The following DLGAP2 variants were observed in gnomAD, a reference collection of about 807,000 sequenced individuals.
DLGAP2 encodes DLG associated protein 2, also known as disks large-associated protein 2.
In DLGAP2, 26 loss-of-function variants were observed where a neutral mutation model predicts 100.3. That is an observed-to-expected ratio of 0.26 (90% confidence interval 0.19 to 0.36). The LOEUF is 0.36. DLGAP2 is among the 10% of genes least tolerant of loss of function. DLGAP2 has a pLI of 1.00. For synonymous variants in DLGAP2, 886 were observed against 630.1 expected (o/e 1.41, Z -6.08); for missense variants, 1,858 against 1,453.2 (o/e 1.28, Z -4.53).
intron 6 of DLGAP2, among the ~76,000 whole-genome samples, chr8:1,592,581 G>A (rs138462247): frequency 2.0e-5 from 3 of 152,114 alleles, no homozygotes; most frequent in Non-Finnish European, 2.9e-5. Flanking sequence ...TTCCCACCAC[G>A]GATTTCCTTT....
chr8:1,190,256 C>G (rs142556075), intron 2 of DLGAP2, among the ~76,000 whole-genome samples: 85 of 152,320 alleles, frequency 5.6e-4, no homozygotes, highest in African/African-American at 2.0e-3. Flanking sequence ...GTCCACGGCA[C>G]TCCCCACTTG....
intron 2 of DLGAP2, among the ~76,000 whole-genome samples, chr8:1,200,625 C>T (rs138450080): frequency 6.6e-6 from 1 of 152,166 alleles, no homozygotes; most frequent in Non-Finnish European, 1.5e-5. Context: ...GCGTCACTTG[C>T]GCTGGACGGC....
intron 3 of DLGAP2, among the ~76,000 whole-genome samples, chr8:1,468,252 C>T (rs948372898): frequency 6.6e-6 from 1 of 151,922 alleles, no homozygotes; most frequent in Non-Finnish European, 1.5e-5. Context: ...AGAATTGTGC[C>T]CTGTTCACAC....
At chr8:1,221,325 G>A (rs371532287) in intron 2 of DLGAP2, among the ~76,000 whole-genome samples, 3 of 152,170 alleles carry the variant, frequency 2.0e-5, no homozygotes, top group Admixed American at 6.6e-5. Flanking sequence ...TTGTTTGTCT[G>A]AAAAGGATTT....
At chr8:1,110,396 C>G (rs144486731) in intron 2 of DLGAP2, among the ~76,000 whole-genome samples, 3 of 145,384 alleles carry the variant, frequency 2.1e-5, no homozygotes, top group African/African-American at 7.7e-5. Flanking sequence ...TATGCTGGAT[C>G]TGTGAGGTGT....
chr8:1,204,206 G>A (rs1462898371), intron 2 of DLGAP2, among the ~76,000 whole-genome samples: 1 of 152,224 alleles, frequency 6.6e-6, no homozygotes, highest in East Asian at 1.9e-4. Context: ...ATATCAGCGG[G>A]TTTTTATCTG....
At chr8:1,311,374 C>T (rs1475790885) in intron 3 of DLGAP2, among the ~76,000 whole-genome samples, 1 of 152,148 alleles carries the variant, frequency 6.6e-6, no homozygotes, top group African/African-American at 2.4e-5. Flanking sequence ...AACACAAATC[C>T]ACAGACCCTT....
chr8:1,251,331 A>G (rs1799035795), intron 2 of DLGAP2, among the ~76,000 whole-genome samples: 1 of 152,246 alleles, frequency 6.6e-6, no homozygotes. Context: ...TAAAGAGTAC[A>G]CATCCAAAAA....
At position 1,626,730 on chromosome 8, in the gene DLGAP2, T is replaced by C; in HGVS notation, c.1443-10T>C. 1 of 1,591,740 alleles carries C rather than the reference T, an allele frequency of 6.3e-7. No homozygotes were observed. The highest frequency in any genetic ancestry group is 8.6e-7 in the Non-Finnish European group (1 of 1,169,356). On this transcript the variant is annotated splice_polypyrimidine_tract_variant and intron_variant, in intron 6 of 14. Coordinates refer to ENST00000637795, the MANE Select transcript of DLGAP2 (RefSeq NM_001346810.2). ...ACAGAATGCCTTTTCTCCTTTCTTC[T>C]TTCCTGTAGCCAGACCTACCTGCAA... is the stretch of plus-strand genomic sequence containing the variant.
intron 1 of DLGAP2, among the ~76,000 whole-genome samples, chr8:765,804 C>T (rs997431491): frequency 3.3e-5 from 5 of 152,106 alleles, no homozygotes; most frequent in Non-Finnish European, 5.9e-5. Flanking sequence ...CACACACACA[C>T]GCGATGATGC....
intron 1 of DLGAP2, among the ~76,000 whole-genome samples, chr8:868,889 T>C (rs909711170): frequency 6.6e-6 from 1 of 152,218 alleles, no homozygotes; most frequent in Admixed American, 6.5e-5. Flanking sequence ...CAGGTTCCAG[T>C]CATTGTGTCT....
chr8:1,034,033 G>A (rs111236190), intron 2 of DLGAP2, among the ~76,000 whole-genome samples: 7,594 of 30,318 alleles, frequency 0.25, 437 homozygotes, highest in African/African-American at 0.27. Context: ...GGATTCACAC[G>A]CTCATCCCGA....
At chr8:1,205,413 T>C (rs7461084) in intron 2 of DLGAP2, among the ~76,000 whole-genome samples, 29 of 151,766 alleles carry the variant, frequency 1.9e-4, no homozygotes, top group African/African-American at 6.5e-4. Flanking sequence ...ACATGACGTC[T>C]CAGCCGGCTC....
chr8:1,174,286 C>G (rs996238681), intron 2 of DLGAP2, among the ~76,000 whole-genome samples: 1 of 151,868 alleles, frequency 6.6e-6, no homozygotes, highest in African/African-American at 2.4e-5. Context: ...CCATCATCAC[C>G]ACCATCATCA....
At chr8:1,662,714 G>C (rs556981983) in intron 8 of DLGAP2, among the ~76,000 whole-genome samples, 1 of 152,362 alleles carries the variant, frequency 6.6e-6, no homozygotes, top group Non-Finnish European at 1.5e-5. Context: ...TTGTTCTGAA[G>C]CTTAATGAAC....
chr8:1,061,544 G>A (rs1488304192), intron 2 of DLGAP2, among the ~76,000 whole-genome samples: 1 of 152,072 alleles, frequency 6.6e-6, no homozygotes, highest in Non-Finnish European at 1.5e-5. Flanking sequence ...TTTTGTTTGG[G>A]GTAAGACGTG....
intron 8 of DLGAP2, among the ~76,000 whole-genome samples, chr8:1,650,146 G>A (rs563283979): frequency 1.3e-5 from 2 of 152,256 alleles, no homozygotes; most frequent in South Asian, 2.1e-4. Flanking sequence ...TTTACAGCAG[G>A]TCATTACTTT....
intron 3 of DLGAP2, among the ~76,000 whole-genome samples, chr8:1,384,693 T>G (rs1379145313): frequency 1.2e-5 from 1 of 86,038 alleles, no homozygotes; most frequent in African/African-American, 5.2e-5. Flanking sequence ...CCCTGAGAAC[T>G]TGGTGCACAG....
chr8:1,050,073 CAT>C (rs1317821594), intron 2 of DLGAP2, among the ~76,000 whole-genome samples: 4 of 152,232 alleles, frequency 2.6e-5, no homozygotes, highest in African/African-American at 7.2e-5. Context: ...CGTGTACACA[CAT>C]GCACAGGCAG....
Sources: allele counts gnomAD v4.1 joint callset (sites outside exome capture counted in the v4.1 genomes callset), GRCh38; gene constraint gnomAD v4.1.1; transcripts MANE v1.5; gene names NCBI Gene and HGNC (gene_info 2026-07-23, HGNC 2026-07-21).